The following NPAS3 variants were observed in gnomAD, a reference collection of about 807,000 sequenced individuals.
The protein encoded by NPAS3 is neuronal PAS domain protein 3.
Under a neutral mutation model 73.1 loss-of-function variants are expected in NPAS3, and 14 were observed. The ratio of observed to expected loss-of-function variants is 0.19; its 90% CI spans 0.13 to 0.30. The LOEUF is 0.30. NPAS3 is among the 10% of genes least tolerant of loss of function. The pLI, the probability that NPAS3 is intolerant of heterozygous loss-of-function variation, is 1.00. For missense variants in NPAS3, 1,096 were observed against 1,250.0 expected (o/e 0.88, Z 1.86); for synonymous variants, 620 against 541.5 (o/e 1.14, Z -2.01).
At chr14:33,655,908 T>A (rs75464026) in intron 5 of NPAS3, among the ~76,000 whole-genome samples, 11,805 of 152,188 alleles carry the variant, frequency 0.078, 555 homozygotes, top group East Asian at 0.2. Context: ...CAAACAAACA[T>A]CCTCTTTTCC....
At chr14:33,195,969 C>A (rs2046336868) in intron 2 of NPAS3, among the ~76,000 whole-genome samples, 1 of 152,158 alleles carries the variant, frequency 6.6e-6, no homozygotes, top group South Asian at 2.1e-4. Flanking sequence ...ATGACAAAAA[C>A]ACAAATGAAA....
At chr14:33,386,629 C>G (rs2046786370) in intron 4 of NPAS3, among the ~76,000 whole-genome samples, 1 of 151,892 alleles carries the variant, frequency 6.6e-6, no homozygotes, top group Admixed American at 6.6e-5. Context: ...TTATTTTTCT[C>G]AGTATTGGGA....
intron 6 of NPAS3, 68 bp from the exon 7 acceptor site, chr14:33,735,146 T>G: frequency 2.8e-6 from 3 of 1,081,612 alleles, no homozygotes; most frequent in Non-Finnish European, 4.3e-6. Flanking sequence ...GGATTGCACC[T>G]GAGCTGTAGC....
chr14:33,074,503 G>A (rs755576128), intron 2 of NPAS3, among the ~76,000 whole-genome samples: 3 of 152,004 alleles, frequency 2.0e-5, no homozygotes, highest in Non-Finnish European at 2.9e-5. Context: ...TACAACCTCC[G>A]CCTCCCAGGT....
At chr14:32,959,151 T>G (rs1203985717) in intron 1 of NPAS3, among the ~76,000 whole-genome samples, 2 of 152,252 alleles carry the variant, frequency 1.3e-5, no homozygotes, top group Non-Finnish European at 2.9e-5. Context: ...TTTTAATCTC[T>G]CTTTGACCTC....
chr14:33,149,598 C>A (rs897545513), intron 2 of NPAS3, among the ~76,000 whole-genome samples: 2 of 152,138 alleles, frequency 1.3e-5, no homozygotes, highest in Non-Finnish European at 2.9e-5. Flanking sequence ...AATTGGCTTA[C>A]TTACTTATGT....
At chr14:33,550,788 G>A (rs769808357) in intron 4 of NPAS3, among the ~76,000 whole-genome samples, 4 of 152,150 alleles carry the variant, frequency 2.6e-5, no homozygotes, top group Non-Finnish European at 4.4e-5. Context: ...GCTAAATTCT[G>A]GAGCTAAGGC....
chr14:33,513,433 C>A (rs2053154368), intron 4 of NPAS3, among the ~76,000 whole-genome samples: 1 of 151,918 alleles, frequency 6.6e-6, no homozygotes, highest in African/African-American at 2.4e-5. Flanking sequence ...TGCTAAGCAC[C>A]TTGTATGATT....
intron 1 of NPAS3, among the ~76,000 whole-genome samples, chr14:32,988,670 A>G (rs1474672810): frequency 1.3e-5 from 2 of 152,202 alleles, no homozygotes; most frequent in African/African-American, 4.8e-5. Flanking sequence ...CTCACTAGCC[A>G]CAGTGGCAAC....
At chr14:33,659,740 A>G (rs1366167085) in intron 5 of NPAS3, among the ~76,000 whole-genome samples, 1 of 152,202 alleles carries the variant, frequency 6.6e-6, no homozygotes, top group African/African-American at 2.4e-5. Context: ...GAAGCAAAAA[A>G]AAAAGTAGCA....
intron 1 of NPAS3, among the ~76,000 whole-genome samples, chr14:32,969,098 CAT>C (rs1356705023): frequency 6.6e-6 from 1 of 152,146 alleles, no homozygotes; most frequent in African/African-American, 2.4e-5. Context: ...TGGCTCAACA[CAT>C]GTGGTTGTGG....
chr14:33,042,024 G>A (rs2040363001), intron 1 of NPAS3, among the ~76,000 whole-genome samples: 1 of 152,016 alleles, frequency 6.6e-6, no homozygotes, highest in South Asian at 2.1e-4. Flanking sequence ...AGACTGGGAG[G>A]GTTAACTTCT....
intron 4 of NPAS3, among the ~76,000 whole-genome samples, chr14:33,466,379 C>T (rs1204025168): frequency 6.6e-6 from 1 of 152,134 alleles, no homozygotes; most frequent in East Asian, 1.9e-4. Context: ...TTTGTTTTAA[C>T]CTCTTAACAA....
rs10137544 is a variant in NPAS3 at position 33,580,725 on chromosome 14, G to A, written c.558+20515G>A. ...TCATTTTTATCCATATCTGTGGGAA[G>A]CTCCAACTTCGACCTAGAACTACCA... On this transcript the variant is annotated intron_variant, in intron 5 of 11. Transcript: ENST00000356141. Among the ~76,000 whole-genome samples the A allele has an allele frequency of 8.4e-3, 1,279 of 152,246 alleles. 19 individuals carry two copies. The highest frequency in any genetic ancestry group is 0.028 in the African/African-American group (1,156 of 41,534).
intron 6 of NPAS3, among the ~76,000 whole-genome samples, chr14:33,694,399 C>T (rs903550672): frequency 1.3e-5 from 2 of 152,070 alleles, no homozygotes; most frequent in African/African-American, 2.4e-5. Context: ...AAAAGCCCCC[C>T]AAAAAGGTTT....
chr14:33,220,915 G>A (rs1322505568), intron 3 of NPAS3, among the ~76,000 whole-genome samples: 1 of 152,158 alleles, frequency 6.6e-6, no homozygotes, highest in Non-Finnish European at 1.5e-5. Flanking sequence ...GAGAGTGATG[G>A]CTGAGAATAT....
At chr14:33,385,009 C>G (rs896098900) in intron 4 of NPAS3, among the ~76,000 whole-genome samples, 2 of 152,264 alleles carry the variant, frequency 1.3e-5, no homozygotes, top group South Asian at 4.1e-4. Flanking sequence ...TTTAGGAAAG[C>G]TGGCGCAGGT....
At chr14:32,989,624 G>A (rs996560001) in intron 1 of NPAS3, among the ~76,000 whole-genome samples, 2 of 152,006 alleles carry the variant, frequency 1.3e-5, no homozygotes, top group Non-Finnish European at 2.9e-5. Flanking sequence ...CAGCCTGGGC[G>A]ACAGCGAGAC....
intron 7 of NPAS3, among the ~76,000 whole-genome samples, chr14:33,769,623 T>A (rs1887068): frequency 1.3e-5 from 2 of 151,960 alleles, no homozygotes; most frequent in Non-Finnish European, 2.9e-5. Context: ...CAAACCTTTC[T>A]TATGGAACAT....
Sources: gnomAD v4.1 joint callset for allele counts (sites outside exome capture counted in the v4.1 genomes callset) on GRCh38, gnomAD v4.1.1 for gene constraint, MANE v1.5 for transcripts, NCBI Gene and HGNC (gene_info 2026-07-23, HGNC 2026-07-21) for gene names.